Variants in TYRP1 observed in about 807,000 individuals in gnomAD.
TYRP1 encodes 5,6-dihydroxyindole-2-carboxylic acid oxidase.
TYRP1 carries 49 observed loss-of-function variants against 42.8 expected under a neutral mutation model. That is an observed-to-expected ratio of 1.14 (90% confidence interval 0.91 to 1.45). The LOEUF is 1.45. TYRP1 is among the 40% of genes most tolerant of loss of function. The pLI is 0.00. For missense variants in TYRP1, 848 were observed against 662.0 expected, an observed-to-expected ratio of 1.28 and a Z score of -3.08; for synonymous variants, 279 against 235.4, an observed-to-expected ratio of 1.19 and a Z score of -1.69.
At chr9:12,706,872 T>C (rs972051911) in intron 6 of TYRP1, among the ~76,000 whole-genome samples, 4 of 151,846 alleles carry the variant, frequency 2.6e-5, no homozygotes. Context: ...ATTGAAAGGT[T>C]TTTACAAATA....
rs544321680 is a variant in TYRP1, at chr9:12,700,977, T to C, written c.914-1294T>C. 1.8e-4 allele frequency among the ~76,000 whole-genome samples: 27 copies of C among 152,174 alleles called. No individual in the cohort carries two copies. In the South Asian group the frequency reaches 5.0e-3, roughly 28 times the overall value. On this transcript the variant is annotated intron_variant, in intron 4 of 7. Coordinates refer to ENST00000388918, the MANE Select transcript of TYRP1 (RefSeq NM_000550.3). ...TACGTTAATTATAAAGCATAGAACA[T>C]GGGAGGCTTTCTGAATGAAGGAAAA...
At chr9:12,694,937 G>A (rs1245117891) in intron 2 of TYRP1, among the ~76,000 whole-genome samples, 1 of 152,176 alleles carries the variant, frequency 6.6e-6, no homozygotes, top group Admixed American at 6.6e-5. Flanking sequence ...TGTGTTCTAT[G>A]TGCGAGATAG....
intron 6 of TYRP1, among the ~76,000 whole-genome samples, chr9:12,706,278 G>A (rs1298317605): frequency 6.6e-6 from 1 of 151,912 alleles, no homozygotes; most frequent in Non-Finnish European, 1.5e-5. Flanking sequence ...ACTTTTTAGA[G>A]GAAATGGAGA....
At chr9:12,708,883 G>T in intron 7 of TYRP1, 94 bp from the exon 8 acceptor site, 1 of 1,192,740 alleles carries the variant, frequency 8.4e-7, no homozygotes, top group East Asian at 2.5e-5. Flanking sequence ...GAGGATTTCT[G>T]TTAAAATAGA....
Position 12,708,087 on chromosome 9 carries a change from A to C in TYRP1, c.1352A>C (p.Glu451Ala), listed in dbSNP as rs762870238. Residue 451 changes from glutamate (E) to alanine (A), a missense_variant, in exon 7 of 8, where the codon GAA becomes GCA. Coordinates refer to ENST00000388918, the MANE Select transcript of TYRP1 (RefSeq NM_000550.3). ...TTCTGGCCCCCAGTCACCAACACAG[A>C]AATGTTTGTTACTGCTCCAGACAAC... The part of the protein sequence containing the change: ...VPFWPPVTNT[E>A]MFVTAPDNLG... 6 of 1,612,902 alleles carry C rather than the reference A, an allele frequency of 3.7e-6. No homozygotes were observed. In the South Asian group the frequency reaches 5.5e-5, roughly 15 times the overall value.
chr9:12,700,343 G>T (rs1447915313), intron 4 of TYRP1: 1 of 151,966 alleles, frequency 6.6e-6, no homozygotes, highest in African/African-American at 2.4e-5. Context: ...CATGCTTGTT[G>T]CATAGTATTT....
Position 12,709,362 on chromosome 9 carries a change from A to T in TYRP1, c.*180A>T, listed in dbSNP as rs138153768. On this transcript the variant is annotated 3_prime_UTR_variant, in exon 8 of 8. Coordinates refer to ENST00000388918, the MANE Select transcript of TYRP1 (RefSeq NM_000550.3). ...GGAAGACCCTTTCAGAATCTTTTCA[A>T]TGGGTTTTAATTTTCAGTTCTATTT... 5.7e-4 allele frequency: 361 copies of T among 637,372 alleles called. 2 individuals carry two copies. The African/African-American group carries it at 5.9e-3, about 10-fold the overall frequency. The allele number at this position is 637,372 out of a possible 1,614,324, so 39.5% of individuals were successfully genotyped here.
chr9:12,696,455 TAGTAATCACTTTACTA>T (rs1818080444), intron 3 of TYRP1, among the ~76,000 whole-genome samples: 1 of 152,206 alleles, frequency 6.6e-6, no homozygotes, highest in Non-Finnish European at 1.5e-5. Context: ...TGCTTGGCTA[TAGTAATCACTTTACTA>T]TGTATATTTA....
At position 12,698,543 on chromosome 9, in the gene TYRP1, A is replaced by G. The variant is rs2118233359; in HGVS notation, c.801A>G (p.Gly267=). ...ATATCTGCACGGATGACTTGATGGG[A>G]TCCAGAAGCAACTTTGATTCCACTC... ...VCDICTDDLM[G]SRSNFDSTLI... Residue 267 remains glycine, a synonymous_variant, in exon 4 of 8, where the codon GGA becomes GGG. Transcript: ENST00000388918. The G allele has an allele frequency of 1.2e-6, 2 of 1,613,838 alleles. No homozygotes were observed. The highest frequency in any genetic ancestry group is 1.7e-6 in the Non-Finnish European group (2 of 1,179,820).
chr9:12,698,353 A>C, intron 3 of TYRP1, 98 bp from the exon 4 acceptor site: 2 of 1,189,448 alleles, frequency 1.7e-6, no homozygotes, highest in Non-Finnish European at 2.5e-6. Context: ...TATTGTCTGA[A>C]GAGAGCTAAT....
chr9:12,704,145 C>T (rs995366241), intron 5 of TYRP1, among the ~76,000 whole-genome samples: 4 of 151,924 alleles, frequency 2.6e-5, no homozygotes, highest in African/African-American at 9.7e-5. Context: ...CCAAGACAAC[C>T]AGAGCATTCT....
At position 12,694,064 on chromosome 9, in the gene TYRP1, G is replaced by T. The variant is rs762458245; in HGVS notation, c.68G>T (p.Arg23Leu). Reference protein sequence around the residue: ...FFPLLLFQQARAQFPRQCATV... With the variant: ...FFPLLLFQQALAQFPRQCATV... ...CCCTTGCTACTTTTTCAGCAGGCCC[G>T]GGCTCAATTCCCAAGACAGTGTGCC... Residue 23 changes from arginine to leucine, a missense_variant, in exon 2 of 8, where the codon CGG (arginine) becomes CTG (leucine). Physicochemically the swap from Arg to Leu is moderately radical, Grantham distance 102. Coordinates refer to ENST00000388918, the MANE Select transcript of TYRP1 (RefSeq NM_000550.3). 25 of 1,613,920 alleles carry T rather than the reference G, an allele frequency of 1.5e-5. No individual in the cohort carries two copies. Among genetic ancestry groups the T allele is most frequent in the East Asian group, 1.1e-4 (5 of 44,816 alleles).
At chr9:12,697,454 A>AC (rs1375329502) in intron 3 of TYRP1, among the ~76,000 whole-genome samples, 3 of 152,028 alleles carry the variant, frequency 2.0e-5, no homozygotes, top group African/African-American at 7.2e-5. Flanking sequence ...AGGACTACAA[A>AC]CCCCTGGAGA....
At chr9:12,707,044 C>T (rs1818269758) in intron 6 of TYRP1, among the ~76,000 whole-genome samples, 1 of 151,972 alleles carries the variant, frequency 6.6e-6, no homozygotes, top group African/African-American at 2.4e-5. Context: ...AGCATCCAAA[C>T]TCTAGTTACT....
At chr9:12,700,347 A>G (rs1261541329) in intron 4 of TYRP1, 1 of 152,100 alleles carries the variant, frequency 6.6e-6, no homozygotes, top group African/African-American at 2.4e-5. Context: ...CTTGTTGCAT[A>G]GTATTTCTCC....
Position 12,697,316 on chromosome 9 carries a change from C to T in TYRP1, c.709-1135C>T, listed in dbSNP as rs573477313. On this transcript the variant is annotated intron_variant, in intron 3 of 7. Coordinates refer to ENST00000388918, the MANE Select transcript of TYRP1 (RefSeq NM_000550.3). The stretch of plus-strand genomic sequence containing the variant: ...AACAAATTAGAATTTAAATGTAATT[C>T]GTGGTTGAAATGCCACATGAATATG... Among the ~76,000 whole-genome samples, 63 of 152,246 alleles carry T rather than the reference C, an allele frequency of 4.1e-4. 2 individuals carry two copies. In the South Asian group the frequency reaches 0.013, roughly 31 times the overall value.
rs775711819 is a variant in TYRP1 at position 12,709,209 on chromosome 9, G to C, written c.*27G>C. The C allele has an allele frequency of 6.2e-7, 1 of 1,603,332 alleles. No homozygotes were observed. Among genetic ancestry groups the C allele is most frequent in the Non-Finnish European group, 8.5e-7 (1 of 1,171,000 alleles). ...AAATGCCCTACTCTCTTATGCATTA[G>C]TATCACAAAACCACCTGGTTGAATA... On this transcript the variant is annotated 3_prime_UTR_variant, in exon 8 of 8. Transcript: ENST00000388918.
At position 12,708,684 on chromosome 9, in the gene TYRP1, G is replaced by A. The variant is rs533063016; in HGVS notation, c.1409-293G>A. Among the ~76,000 whole-genome samples, 17 of 151,986 alleles carry A rather than the reference G, an allele frequency of 1.1e-4. No individual in the cohort carries two copies. In the East Asian group the frequency reaches 1.4e-3, roughly 12 times the overall value. On this transcript the variant is annotated intron_variant, in intron 7 of 7. Transcript: ENST00000388918. ...ACAAGACTTATATTCTAAAATATCC[G>A]GGCTCCAAAGCCAACTTTATTGCTT... is the stretch of plus-strand genomic sequence containing the variant.
At chr9:12,702,216 C>A in intron 4 of TYRP1, 55 bp from the exon 5 acceptor site, 1 of 1,585,610 alleles carries the variant, frequency 6.3e-7, no homozygotes, top group Non-Finnish European at 8.7e-7. Context: ...TAAAGAGCGA[C>A]AATAAGAACT....
Sources: allele counts gnomAD v4.1 joint callset (sites outside exome capture counted in the v4.1 genomes callset), GRCh38; gene constraint gnomAD v4.1.1; transcripts MANE v1.5; gene names NCBI Gene and HGNC (gene_info 2026-07-23, HGNC 2026-07-21).